Variants in CBL observed in about 807,000 individuals in gnomAD.
The protein encoded by CBL is E3 ubiquitin-protein ligase CBL.
CBL carries 45 observed loss-of-function variants against 96.9 expected under a neutral mutation model. The ratio of observed to expected loss-of-function variants is 0.46; its 90% CI spans 0.37 to 0.60. The LOEUF (loss-of-function observed/expected upper bound fraction) is 0.60. Ranked by LOEUF, CBL falls within the 20% of genes least tolerant of loss-of-function variation. The probability of loss-of-function intolerance (pLI) is 0.00; values close to 1 mark genes in which losing one functional copy is unlikely to be tolerated. For missense variants in CBL, 1,024 were observed against 1,143.5 expected, an observed-to-expected ratio of 0.90 and a Z score of 1.51; for synonymous variants, 420 against 426.8, an observed-to-expected ratio of 0.98 and a Z score of 0.20.
At chr11:119,216,537 A>G (rs988089951) in intron 1 of CBL, among the ~76,000 whole-genome samples, 2 of 151,354 alleles carry the variant, frequency 1.3e-5, no homozygotes, top group East Asian at 1.9e-4. Context: ...ATGCCCAGCT[A>G]ATTTTTGTAT....
At chr11:119,209,983 CAT>C (rs1175338016) in intron 1 of CBL, among the ~76,000 whole-genome samples, 24 of 152,148 alleles carry the variant, frequency 1.6e-4, no homozygotes, top group African/African-American at 5.3e-4. Flanking sequence ...TTGTAATAAA[CAT>C]GTGCATAAAT....
chr11:119,306,069 AC>A lies in CBL; in HGVS notation c.*6290del. 1 of 386,598 alleles carries A rather than the reference AC, an allele frequency of 2.6e-6. No individual in the cohort carries two copies. The highest frequency in any genetic ancestry group is 4.6e-6 in the Non-Finnish European group (1 of 218,746). The allele number at this position is 386,598 out of a possible 1,614,324, so 23.9% of individuals were successfully genotyped here. Reference sequence around the variant, plus strand: ...ATCTGGGTTGGTTCCAGTGGGAAATACCAGTATTTCTTGGTTCTGGAAAGTA... The same window carrying A: ...ATCTGGGTTGGTTCCAGTGGGAAATACAGTATTTCTTGGTTCTGGAAAGTA... On this transcript the variant is annotated 3_prime_UTR_variant, in exon 16 of 16. Coordinates refer to ENST00000264033, the MANE Select transcript of CBL (RefSeq NM_005188.4).
At chr11:119,209,793 T>C (rs1330129380) in intron 1 of CBL, among the ~76,000 whole-genome samples, 1 of 152,186 alleles carries the variant, frequency 6.6e-6, no homozygotes, top group Non-Finnish European at 1.5e-5. Context: ...TCCCCCAATA[T>C]TGGATATATA....
rs1005383891 is a variant in CBL, at chr11:119,297,305, C to G, written c.2154-79C>G. 4.3e-6 allele frequency: 5 copies of G among 1,165,758 alleles called. No homozygotes were observed. The African/African-American group carries it at 7.6e-5, about 18-fold the overall frequency. The allele number at this position is 1,165,758 out of a possible 1,614,324, so 72.2% of individuals were successfully genotyped here. On this transcript the variant is annotated intron_variant, in intron 13 of 15. Transcript: ENST00000264033. Reference sequence around the variant, plus strand: ...ACATTTATTAGTGATATTGGCAAAACGAGAAGATGAATCTTCATAAGTTTA... The same window carrying G: ...ACATTTATTAGTGATATTGGCAAAAGGAGAAGATGAATCTTCATAAGTTTA...
rs185637375 is a variant in CBL, at chr11:119,230,335, G to A, written c.196-2113G>A. On this transcript the variant is annotated intron_variant, in intron 1 of 15. Transcript: ENST00000264033. ...GCCCGGCTAATTTTTAGTATTTTTA[G>A]TAGAGACGGGGTTTCACCGTGGTCT... Among the ~76,000 whole-genome samples, 5 of 152,134 alleles carry A rather than the reference G, an allele frequency of 3.3e-5. No homozygotes were observed. In the East Asian group the frequency reaches 7.7e-4, roughly 24 times the overall value.
chr11:119,253,684 T>A (rs1484885533), intron 2 of CBL, among the ~76,000 whole-genome samples: 1 of 147,262 alleles, frequency 6.8e-6, no homozygotes, highest in Non-Finnish European at 1.5e-5. Flanking sequence ...ATAATAATAA[T>A]AAAATTATCT....
chr11:119,209,676 C>T (rs1024791835), intron 1 of CBL, among the ~76,000 whole-genome samples: 9 of 152,086 alleles, frequency 5.9e-5, no homozygotes, highest in Non-Finnish European at 8.8e-5. Context: ...TCTAAGTCAC[C>T]ATCTCATACC....
chr11:119,292,660 T>C (rs1950036531), intron 12 of CBL, among the ~76,000 whole-genome samples: 1 of 152,182 alleles, frequency 6.6e-6, no homozygotes, highest in Non-Finnish European at 1.5e-5. Context: ...CTGACCGTGA[T>C]CTGCCCGCCT....
At chr11:119,253,929 G>A (rs1216966605) in intron 2 of CBL, among the ~76,000 whole-genome samples, 1 of 144,672 alleles carries the variant, frequency 6.9e-6, no homozygotes, top group Non-Finnish European at 1.5e-5. Context: ...AGACTGAGGT[G>A]AGATCACTTG....
At chr11:119,259,993 C>G (rs1450954159) in intron 2 of CBL, among the ~76,000 whole-genome samples, 1 of 152,162 alleles carries the variant, frequency 6.6e-6, no homozygotes, top group African/African-American at 2.4e-5. Flanking sequence ...TGGACCGTTC[C>G]ATTCCCAGAG....
rs1359009014 is a variant in CBL at position 119,303,965 on chromosome 11, GCTAA to G, written c.*4188_*4191del. 1.3e-5 allele frequency: 3 copies of G among 233,518 alleles called. No individual in the cohort carries two copies. The highest frequency in any genetic ancestry group is 4.4e-5 in the African/African-American group (2 of 45,310). 14.5% of individuals were successfully genotyped at this position (233,518 alleles called of 1,614,324 possible). A position where few individuals can be genotyped will look rare whatever the true frequency, so the allele number is the denominator to read the frequency against. Reference sequence around the variant, plus strand: ...TTCCAGTCTTTCAACAACCGTTGTGGCTAACTATGTTTTAGAAGGGCTGGAGGTG... The same window carrying G: ...TTCCAGTCTTTCAACAACCGTTGTGGCTATGTTTTAGAAGGGCTGGAGGTG... On this transcript the variant is annotated 3_prime_UTR_variant, in exon 16 of 16. Coordinates refer to ENST00000264033, the MANE Select transcript of CBL (RefSeq NM_005188.4).
intron 2 of CBL, among the ~76,000 whole-genome samples, chr11:119,247,943 C>G (rs1369276282): frequency 6.6e-6 from 1 of 152,120 alleles, no homozygotes; most frequent in East Asian, 1.9e-4. Context: ...GACTTGTACA[C>G]TGGAAACTAC....
intron 1 of CBL, among the ~76,000 whole-genome samples, chr11:119,221,511 T>C (rs1223845886): frequency 1.3e-5 from 2 of 152,140 alleles, no homozygotes; most frequent in African/African-American, 2.4e-5. Flanking sequence ...CTCACGTCTA[T>C]AATCCCAGCA....
rs758291160 is a variant in CBL, at chr11:119,299,666, A to G, written c.2606A>G (p.Tyr869Cys). 3.1e-6 allele frequency: 5 copies of G among 1,614,142 alleles called. No individual in the cohort carries two copies. Among genetic ancestry groups the G allele is most frequent in the Non-Finnish European group, 4.2e-6 (5 of 1,180,010 alleles). ...ATCGAGAACCTCATGAGTCAGGGGTACTCCTACCAGGACATCCAGAAAGCT... is the reference window on the plus strand; with the variant it reads ...ATCGAGAACCTCATGAGTCAGGGGTGCTCCTACCAGGACATCCAGAAAGCT... ...SEIENLMSQGYSYQDIQKALV... is the reference protein window; with the variant it reads ...SEIENLMSQGCSYQDIQKALV... Residue 869 changes from tyrosine to cysteine, a missense_variant, in exon 16 of 16, where the codon TAC (tyrosine) becomes TGC (cysteine). Physicochemically the swap from Tyr to Cys is radical, Grantham distance 194. Coordinates refer to ENST00000264033, the MANE Select transcript of CBL (RefSeq NM_005188.4).
At position 119,306,061 on chromosome 11, in the gene CBL, TG is replaced by T. The variant is rs1950137855; in HGVS notation, c.*6283del. 1 of 381,532 alleles carries T rather than the reference TG, an allele frequency of 2.6e-6. No homozygotes were observed. Among genetic ancestry groups the T allele is most frequent in the African/African-American group, 2.1e-5 (1 of 48,448 alleles). The allele number at this position is 381,532 out of a possible 1,614,324, so 23.6% of individuals were successfully genotyped here. On this transcript the variant is annotated 3_prime_UTR_variant, in exon 16 of 16. Transcript: ENST00000264033. ...CCCAGGAAATCTGGGTTGGTTCCAG[TG>T]GGAAATACCAGTATTTCTTGGTTCT...
intron 1 of CBL, 52 bp from the exon 2 acceptor site, chr11:119,232,396 A>T: frequency 6.3e-7 from 1 of 1,598,888 alleles, no homozygotes; most frequent in Non-Finnish European, 8.5e-7. Flanking sequence ...TAAAAAAGGG[A>T]GCTGTCCTTA....
chr11:119,235,922 A>G (rs558608702), intron 2 of CBL, among the ~76,000 whole-genome samples: 1 of 152,330 alleles, frequency 6.6e-6, no homozygotes. Flanking sequence ...GTGAGAATCA[A>G]GGAGTTCATT....
chr11:119,289,301 G>A (rs1165334602), intron 12 of CBL, among the ~76,000 whole-genome samples: 2 of 151,782 alleles, frequency 1.3e-5, no homozygotes, highest in African/African-American at 4.8e-5. Flanking sequence ...CTATGACTGT[G>A]GTTTTTTTCT....
intron 2 of CBL, among the ~76,000 whole-genome samples, chr11:119,243,515 A>AT (rs1424819718): frequency 0.036 from 3,440 of 96,720 alleles, 55 homozygotes; most frequent in Non-Finnish European, 0.054. Context: ...AAAAAAAAAA[A>AT]TTTTTTTTTT....
Sources: gnomAD v4.1 joint callset for allele counts (sites outside exome capture counted in the v4.1 genomes callset) on GRCh38, gnomAD v4.1.1 for gene constraint, MANE v1.5 for transcripts, NCBI Gene and HGNC (gene_info 2026-07-23, HGNC 2026-07-21) for gene names.